The following KCNIP4 variants were observed in gnomAD, a reference collection of about 807,000 sequenced individuals.
The protein encoded by KCNIP4 is Kv channel-interacting protein 4.
In KCNIP4, 12 loss-of-function variants were observed where a neutral mutation model predicts 34.0. The observed-to-expected ratio is 0.35, with a 90% CI of 0.23 to 0.57. KCNIP4 has a LOEUF of 0.57. Ranked by LOEUF, KCNIP4 falls within the 20% of genes least tolerant of loss-of-function variation. The pLI is 0.83. For synonymous variants in KCNIP4, 124 were observed against 102.2 expected (o/e 1.21, Z -1.29); for missense variants, 238 against 311.7 (o/e 0.76, Z 1.78).
At chr4:21,626,389 GT>G (rs67311374) in intron 1 of KCNIP4, among the ~76,000 whole-genome samples, 40,745 of 149,314 alleles carry the variant, frequency 0.27, 5,794 homozygotes, top group Non-Finnish European at 0.32. Context: ...TGTTTTTTTT[GT>G]TTTTTTTTCA....
intron 1 of KCNIP4, among the ~76,000 whole-genome samples, chr4:21,762,323 C>A (rs1718112330): frequency 6.6e-6 from 1 of 152,254 alleles, no homozygotes; most frequent in Admixed American, 6.6e-5. Flanking sequence ...GGACCAGTTA[C>A]ATTTCAGGTG....
intron 1 of KCNIP4, among the ~76,000 whole-genome samples, chr4:21,559,363 G>A (rs954932316): frequency 4.6e-5 from 7 of 152,096 alleles, no homozygotes; most frequent in African/African-American, 1.7e-4. Flanking sequence ...TTATTCATTC[G>A]ATGATATATT....
At chr4:20,866,651 T>C (rs1722912719) in intron 2 of KCNIP4, among the ~76,000 whole-genome samples, 1 of 152,088 alleles carries the variant, frequency 6.6e-6, no homozygotes, top group Non-Finnish European at 1.5e-5. Flanking sequence ...TTGGAAGTCC[T>C]AGCCAGAACA....
chr4:21,252,712 T>C (rs1389231029), intron 1 of KCNIP4, among the ~76,000 whole-genome samples: 1 of 151,418 alleles, frequency 6.6e-6, no homozygotes, highest in Admixed American at 6.6e-5. Context: ...AGGAGGTTGA[T>C]GGTACTAAAT....
chr4:21,789,848 C>G (rs1200230307), intron 1 of KCNIP4, among the ~76,000 whole-genome samples: 1 of 152,172 alleles, frequency 6.6e-6, no homozygotes, highest in Non-Finnish European at 1.5e-5. Flanking sequence ...AGGCAACCCA[C>G]CCAAGTTGGG....
intron 1 of KCNIP4, among the ~76,000 whole-genome samples, chr4:21,115,924 G>A (rs1307520704): frequency 6.6e-6 from 1 of 152,180 alleles, no homozygotes; most frequent in Non-Finnish European, 1.5e-5. Flanking sequence ...GTAACCAAAT[G>A]TTTTTGAAAG....
At chr4:21,033,590 A>T (rs1344470624) in intron 1 of KCNIP4, among the ~76,000 whole-genome samples, 18 of 152,320 alleles carry the variant, frequency 1.2e-4, no homozygotes, top group Middle Eastern at 6.8e-3. Context: ...AGTGAAAACC[A>T]TGAAAGTATG....
At chr4:21,086,804 T>A (rs1003324022) in intron 1 of KCNIP4, among the ~76,000 whole-genome samples, 4 of 152,100 alleles carry the variant, frequency 2.6e-5, no homozygotes, top group Non-Finnish European at 4.4e-5. Flanking sequence ...AAAATCTCTC[T>A]AAAACAATCA....
chr4:21,246,308 C>CA (rs1760201440), intron 1 of KCNIP4, among the ~76,000 whole-genome samples: 1 of 152,196 alleles, frequency 6.6e-6, no homozygotes, highest in Non-Finnish European at 1.5e-5. Flanking sequence ...TCCCAAAAGA[C>CA]AGACTGCCTG....
intron 1 of KCNIP4, among the ~76,000 whole-genome samples, chr4:21,364,178 T>C (rs530115677): frequency 6.6e-6 from 1 of 152,296 alleles, no homozygotes; most frequent in African/African-American, 2.4e-5. Context: ...CCTCCAAACA[T>C]AATAGGCTTA....
rs368128345 is a variant in KCNIP4, at chr4:21,707,342, TA to T, written c.61+241228del. Among the ~76,000 whole-genome samples the T allele has an allele frequency of 2.2e-4, 34 of 152,300 alleles. 2 individuals carry two copies. In the South Asian group the frequency reaches 4.6e-3, roughly 20 times the overall value. On this transcript the variant is annotated intron_variant, in intron 1 of 8. Coordinates refer to ENST00000382152, the MANE Select transcript of KCNIP4 (RefSeq NM_025221.6). ...TCTACTAAATACAAATTATGAGCTT[TA>T]AAAAGTAAAACAAAACATCCTGGAG...
intron 1 of KCNIP4, among the ~76,000 whole-genome samples, chr4:20,886,603 T>C (rs1382389137): frequency 1.3e-5 from 2 of 152,200 alleles, no homozygotes; most frequent in Admixed American, 6.5e-5. Flanking sequence ...GTTAGAGTTC[T>C]AGCCCTGCCA....
At chr4:21,481,938 G>T (rs978611368) in intron 1 of KCNIP4, among the ~76,000 whole-genome samples, 5 of 152,078 alleles carry the variant, frequency 3.3e-5, no homozygotes, top group African/African-American at 1.2e-4. Context: ...TTATTGTGTG[G>T]GAGTCTAAGT....
At chr4:20,812,980 T>C (rs1242493356) in intron 3 of KCNIP4, among the ~76,000 whole-genome samples, 1 of 152,066 alleles carries the variant, frequency 6.6e-6, no homozygotes, top group Non-Finnish European at 1.5e-5. Flanking sequence ...AATATATGTA[T>C]GTTCTTTCTT....
intron 1 of KCNIP4, among the ~76,000 whole-genome samples, chr4:21,722,033 A>G (rs955648516): frequency 6.6e-6 from 1 of 152,208 alleles, no homozygotes; most frequent in Non-Finnish European, 1.5e-5. Context: ...AAAGGTATCT[A>G]TGTTCTGATT....
chr4:21,322,111 A>C (rs1195833555), intron 1 of KCNIP4, among the ~76,000 whole-genome samples: 1 of 136,520 alleles, frequency 7.3e-6, no homozygotes, highest in African/African-American at 2.7e-5. Context: ...AGAGGAAGGG[A>C]AGGAAGAAAG....
intron 1 of KCNIP4, among the ~76,000 whole-genome samples, chr4:21,104,467 T>A (rs1276209523): frequency 6.6e-6 from 1 of 152,178 alleles, no homozygotes; most frequent in Non-Finnish European, 1.5e-5. Flanking sequence ...TAAATTTGTT[T>A]AAGTTCTTTG....
chr4:20,760,132 T>C (rs968825572), intron 3 of KCNIP4, among the ~76,000 whole-genome samples: 3 of 152,190 alleles, frequency 2.0e-5, no homozygotes, highest in African/African-American at 4.8e-5. Context: ...CAACTGCACA[T>C]TGTAAGTGGA....
intron 1 of KCNIP4, among the ~76,000 whole-genome samples, chr4:21,063,297 G>C (rs889644545): frequency 2.0e-5 from 3 of 152,096 alleles, no homozygotes; most frequent in Non-Finnish European, 4.4e-5. Flanking sequence ...AGCTTTAACA[G>C]GTTACACCAT....
Sources: allele counts gnomAD v4.1 joint callset (sites outside exome capture counted in the v4.1 genomes callset), GRCh38; gene constraint gnomAD v4.1.1; transcripts MANE v1.5; gene names NCBI Gene and HGNC (gene_info 2026-07-23, HGNC 2026-07-21).